ST6GALNAC3: variants seen among roughly 807,000 people sequenced by gnomAD.
ST6GALNAC3 encodes ST6 N-acetylgalactosaminide alpha-2,6-sialyltransferase 3.
Under a neutral mutation model 32.7 loss-of-function variants are expected in ST6GALNAC3, and 25 were observed. The observed-to-expected ratio is 0.76, with a 90% CI of 0.56 to 1.07. ST6GALNAC3 has a LOEUF of 1.07. Among genes scored for constraint, ST6GALNAC3 ranks in the 50% least tolerant of loss-of-function variants. The probability of loss-of-function intolerance (pLI) is 0.00; values close to 1 mark genes in which losing one functional copy is unlikely to be tolerated. For synonymous variants in ST6GALNAC3, 129 were observed against 133.1 expected, an observed-to-expected ratio of 0.97 and a Z score of 0.21; for missense variants, 355 against 382.4, an observed-to-expected ratio of 0.93 and a Z score of 0.60.
intron 3 of ST6GALNAC3, among the ~76,000 whole-genome samples, chr1:76,492,577 C>G (rs959616957): frequency 6.6e-6 from 1 of 152,066 alleles, no homozygotes; most frequent in Non-Finnish European, 1.5e-5. Flanking sequence ...TCTTGGGACA[C>G]CAAACCACCC....
At chr1:76,396,417 A>G (rs1011291559) in intron 2 of ST6GALNAC3, among the ~76,000 whole-genome samples, 1 of 152,168 alleles carries the variant, frequency 6.6e-6, no homozygotes, top group African/African-American at 2.4e-5. Context: ...GTGAGTCGAG[A>G]TGGGGCCACT....
chr1:76,570,581 C>G (rs1195393446), intron 3 of ST6GALNAC3, among the ~76,000 whole-genome samples: 1 of 152,108 alleles, frequency 6.6e-6, no homozygotes, highest in African/African-American at 2.4e-5. Flanking sequence ...TCACTTACTT[C>G]TAACTCAAAC....
intron 2 of ST6GALNAC3, among the ~76,000 whole-genome samples, chr1:76,386,728 C>T (rs1652123320): frequency 6.6e-6 from 1 of 152,108 alleles, no homozygotes; most frequent in Non-Finnish European, 1.5e-5. Flanking sequence ...TTATTAATTC[C>T]TGCTCTATCT....
At chr1:76,218,872 A>G (rs1655617854) in intron 1 of ST6GALNAC3, among the ~76,000 whole-genome samples, 1 of 152,228 alleles carries the variant, frequency 6.6e-6, no homozygotes, top group African/African-American at 2.4e-5. Context: ...TAGTATAGAC[A>G]ATAATTACTT....
At chr1:76,155,056 T>C (rs746916242) in intron 1 of ST6GALNAC3, among the ~76,000 whole-genome samples, 1 of 152,172 alleles carries the variant, frequency 6.6e-6, no homozygotes, top group Non-Finnish European at 1.5e-5. Context: ...AGGATGTGTG[T>C]ATGTGAGGGT....
intron 3 of ST6GALNAC3, among the ~76,000 whole-genome samples, chr1:76,593,525 G>A (rs1557608041): frequency 6.6e-6 from 1 of 152,138 alleles, no homozygotes; most frequent in Non-Finnish European, 1.5e-5. Flanking sequence ...AGAATTTTGA[G>A]AAATTGAATG....
chr1:76,620,309 A>G (rs1648555526), intron 3 of ST6GALNAC3, among the ~76,000 whole-genome samples: 9 of 152,098 alleles, frequency 5.9e-5, no homozygotes, highest in Admixed American at 5.9e-4. Flanking sequence ...AAATGAGCCC[A>G]TGTGACTAGA....
chr1:76,494,873 T>C (rs1660757049), intron 3 of ST6GALNAC3, among the ~76,000 whole-genome samples: 1 of 151,926 alleles, frequency 6.6e-6, no homozygotes, highest in East Asian at 1.9e-4. Flanking sequence ...AAAGAGCCAA[T>C]GGTATAGTTC....
intron 1 of ST6GALNAC3, among the ~76,000 whole-genome samples, chr1:76,079,376 A>G (rs1005376178): frequency 2.0e-5 from 3 of 152,192 alleles, no homozygotes; most frequent in Admixed American, 6.5e-5. Flanking sequence ...ATTTTCTTTT[A>G]TGATTTCTAC....
chr1:76,516,022 A>G (rs1169800406), intron 3 of ST6GALNAC3, among the ~76,000 whole-genome samples: 2 of 152,174 alleles, frequency 1.3e-5, no homozygotes, highest in South Asian at 2.1e-4. Context: ...CGATACTATT[A>G]TTGTATTGCT....
intron 1 of ST6GALNAC3, among the ~76,000 whole-genome samples, chr1:76,281,034 A>T (rs969743299): frequency 6.6e-6 from 1 of 152,194 alleles, no homozygotes; most frequent in African/African-American, 2.4e-5. Flanking sequence ...TAGTCTTTTG[A>T]GTACTTACTA....
intron 3 of ST6GALNAC3, among the ~76,000 whole-genome samples, chr1:76,535,876 G>A (rs1249431926): frequency 6.6e-6 from 1 of 152,018 alleles, no homozygotes; most frequent in Non-Finnish European, 1.5e-5. Context: ...TCATTAAATG[G>A]TATTGGTAAT....
chr1:76,560,409 G>A (rs1665177716), intron 3 of ST6GALNAC3, among the ~76,000 whole-genome samples: 1 of 152,208 alleles, frequency 6.6e-6, no homozygotes, highest in East Asian at 1.9e-4. Flanking sequence ...CACAGAATGG[G>A]AGAAAATACT....
At chr1:76,085,508 T>G (rs1646952871) in intron 1 of ST6GALNAC3, among the ~76,000 whole-genome samples, 1 of 152,200 alleles carries the variant, frequency 6.6e-6, no homozygotes, top group Non-Finnish European at 1.5e-5. Flanking sequence ...GCCAAGTGAC[T>G]GCCCAAAGTC....
chr1:76,335,457 A>ACACT lies in ST6GALNAC3; in HGVS notation c.213+21459_213+21460insACTC, dbSNP rs1553180885. ...CACACACACACACACACACACACAC[A>ACACT]CTCACACTCAGTCAGATTGGGACCA... On this transcript the variant is annotated intron_variant, in intron 2 of 4. Transcript: ENST00000328299. Among the ~76,000 whole-genome samples the ACACT allele has an allele frequency of 4.1e-3, 603 of 145,710 alleles. 2 individuals are homozygous for ACACT. The highest frequency in any genetic ancestry group is 0.031 in the Middle Eastern group (9 of 290).
chr1:76,294,648 A>G (rs770803037), intron 1 of ST6GALNAC3, among the ~76,000 whole-genome samples: 9 of 152,030 alleles, frequency 5.9e-5, no homozygotes, highest in Non-Finnish European at 1.0e-4. Flanking sequence ...GGTAAAAGGC[A>G]GTCAAGCAGA....
At chr1:76,626,490 G>A (rs1295334716) in intron 3 of ST6GALNAC3, among the ~76,000 whole-genome samples, 1 of 151,870 alleles carries the variant, frequency 6.6e-6, no homozygotes, top group Non-Finnish European at 1.5e-5. Flanking sequence ...TTGGAACTTG[G>A]CAGATGCCCA....
intron 1 of ST6GALNAC3, among the ~76,000 whole-genome samples, chr1:76,207,113 G>C (rs1324536678): frequency 1.3e-5 from 2 of 152,196 alleles, no homozygotes; most frequent in Non-Finnish European, 2.9e-5. Flanking sequence ...AATAGTCACT[G>C]TGTTGAGTAG....
At chr1:76,377,231 G>A (rs1394516370) in intron 2 of ST6GALNAC3, among the ~76,000 whole-genome samples, 1 of 152,158 alleles carries the variant, frequency 6.6e-6, no homozygotes, top group African/African-American at 2.4e-5. Flanking sequence ...GAAAACTGGG[G>A]GCTGTCCAGG....
Sources: gnomAD v4.1 joint callset for allele counts (sites outside exome capture counted in the v4.1 genomes callset) on GRCh38, gnomAD v4.1.1 for gene constraint, MANE v1.5 for transcripts, NCBI Gene and HGNC (gene_info 2026-07-23, HGNC 2026-07-21) for gene names.